Variants in HIVEP1 observed in about 807,000 individuals in gnomAD.
HIVEP1 encodes the protein HIVEP zinc finger 1, also known as zinc finger protein 40.
Under a neutral mutation model 180.0 loss-of-function variants are expected in HIVEP1, and 36 were observed. The observed-to-expected ratio is 0.20, with a 90% CI of 0.15 to 0.26. HIVEP1 has a LOEUF of 0.26. HIVEP1 is among the 10% of genes least tolerant of loss of function. HIVEP1 has a pLI of 1.00. For missense variants in HIVEP1, 3,143 were observed against 3,268.7 expected, an observed-to-expected ratio of 0.96 and a Z score of 0.94; for synonymous variants, 1,239 against 1,239.0, an observed-to-expected ratio of 1.00 and a Z score of 0.00.
intron 2 of HIVEP1, among the ~76,000 whole-genome samples, chr6:12,043,841 T>A (rs904547726): frequency 6.6e-6 from 1 of 152,172 alleles, no homozygotes; most frequent in Admixed American, 6.5e-5. Flanking sequence ...CTGTCTGGGT[T>A]TTGTGGGATT....
intron 2 of HIVEP1, among the ~76,000 whole-genome samples, chr6:12,057,232 A>G (rs963356235): frequency 9.9e-5 from 15 of 152,196 alleles, no homozygotes; most frequent in Non-Finnish European, 1.8e-4. Flanking sequence ...TATAGATGCT[A>G]TTGTGACTGA....
At position 12,123,818 on chromosome 6, in the gene HIVEP1, A is replaced by C; in HGVS notation, c.4023A>C (p.Lys1341Asn). ...CCCCCAAAATCGATTTTCTAAATAA[A>C]GCCGAGTTTCTTATGATTCCAGCTG... Reference protein sequence around the residue: ...EASPKIDFLNKAEFLMIPAGL... With the variant: ...EASPKIDFLNNAEFLMIPAGL... The change falls in exon 4 of 9, where the codon AAA becomes AAC. Residue 1341 changes from lysine (K) to asparagine (N), a missense_variant. Around this residue, in one of 12 missense-constraint regions of HIVEP1, gnomAD observed 1,357 missense variants for 1,260.5 expected, o/e 1.08. Transcript: ENST00000379388. 1 of 1,614,120 alleles carries C rather than the reference A, an allele frequency of 6.2e-7. No homozygotes were observed. The highest frequency in any genetic ancestry group is 8.5e-7 in the Non-Finnish European group (1 of 1,179,992).
intron 2 of HIVEP1, among the ~76,000 whole-genome samples, chr6:12,087,397 A>T (rs539025533): frequency 1.3e-5 from 2 of 152,232 alleles, no homozygotes; most frequent in East Asian, 3.9e-4. Context: ...ATGCAAAATT[A>T]TGTGCACATA....
intron 2 of HIVEP1, among the ~76,000 whole-genome samples, chr6:12,035,784 T>C (rs142435852): frequency 0.011 from 1,681 of 152,124 alleles, 20 homozygotes; most frequent in Middle Eastern, 0.048. Flanking sequence ...ATATAGAAAG[T>C]AGGAAATATA....
chr6:12,105,232 T>C (rs1326799631), intron 3 of HIVEP1, among the ~76,000 whole-genome samples: 3 of 152,198 alleles, frequency 2.0e-5, no homozygotes, highest in Non-Finnish European at 4.4e-5. Context: ...TTTTCCCTTA[T>C]TCCTAGAATG....
Position 12,123,134 on chromosome 6 carries a change from A to G in HIVEP1, c.3339A>G (p.Glu1113=). 1 of 1,614,202 alleles carries G rather than the reference A, an allele frequency of 6.2e-7. No homozygotes were observed. Among genetic ancestry groups the G allele is most frequent in the Non-Finnish European group, 8.5e-7 (1 of 1,180,028 alleles). ...ATCCCAAGCTGTCGACCATCATGGA[A>G]CAACAGATAAGTTCAGCAGCCCAGG... ...TMDPKLSTIM[E]QQISSAAQDK... The change falls in exon 4 of 9, where the codon GAA becomes GAG. Residue 1113 remains glutamate (E), a synonymous_variant. Coordinates refer to ENST00000379388, the MANE Select transcript of HIVEP1 (RefSeq NM_002114.4).
rs754743501 is a variant in HIVEP1, at chr6:12,125,190, G to A, written c.5395G>A (p.Val1799Met). Residue 1799 changes from valine to methionine, a missense_variant, in exon 4 of 9, where the codon GTG (valine) becomes ATG (methionine). Physicochemically the swap from Val to Met is conservative, Grantham distance 21. This residue lies in a region of HIVEP1 where 1,357 missense variants were observed against 1,260.5 expected (regional missense o/e 1.08). Transcript: ENST00000379388. ...TAGTAAACAGAAGAAGCCTATTTTA[G>A]TGAGACAGGTTTGTACTACAGAGCC... The part of the protein sequence containing the change: ...EASKQKKPIL[V>M]RQVCTTEPLD... 15 of 1,614,036 alleles carry A rather than the reference G, an allele frequency of 9.3e-6. No individual in the cohort carries two copies. The East Asian group carries it at 3.1e-4, about 34-fold the overall frequency.
At chr6:12,197,184 C>G in the HIVEP1 span, among the ~76,000 whole-genome samples, 1 of 152,052 alleles carries the variant, frequency 6.6e-6, no homozygotes, top group African/African-American at 2.4e-5. Flanking sequence ...GTTGGGAGTT[C>G]CAGGCAGAGT....
rs1439224746 is a variant in HIVEP1 at position 12,051,591 on chromosome 6, TTAAA to T, written c.40+35926_40+35929del. On this transcript the variant is annotated intron_variant, in intron 2 of 8. Coordinates refer to ENST00000379388, the MANE Select transcript of HIVEP1 (RefSeq NM_002114.4). ...AGTGCATTTTATTATTTCACCCTAA[TTAAA>T]TATAATATATAGATAAAATATAAAT... Among the ~76,000 whole-genome samples, 17 of 152,018 alleles carry T rather than the reference TTAAA, an allele frequency of 1.1e-4. No homozygotes were observed. The East Asian group carries it at 3.3e-3, about 29-fold the overall frequency.
At chr6:12,053,496 A>C (rs1356865910) in intron 2 of HIVEP1, among the ~76,000 whole-genome samples, 1 of 151,870 alleles carries the variant, frequency 6.6e-6, no homozygotes, top group Non-Finnish European at 1.5e-5. Flanking sequence ...AGGATATGAC[A>C]AAAAAAACAT....
the HIVEP1 span, among the ~76,000 whole-genome samples, chr6:12,180,440 C>G: frequency 6.6e-6 from 1 of 152,044 alleles, no homozygotes; most frequent in Non-Finnish European, 1.5e-5. Context: ...TATAAGCATT[C>G]AATATTTTCA....
downstream of HIVEP1, among the ~76,000 whole-genome samples, chr6:12,167,103 TTTTG>T (rs1562023160): frequency 6.6e-6 from 1 of 152,172 alleles, no homozygotes; most frequent in African/African-American, 2.4e-5. Flanking sequence ...AATGTACAAA[TTTTG>T]TTTCTCAGTT....
chr6:12,172,103 C>CT, the HIVEP1 span, among the ~76,000 whole-genome samples: 1 of 152,162 alleles, frequency 6.6e-6, no homozygotes, highest in East Asian at 1.9e-4. Context: ...GGACATTTCT[C>CT]TAAGTCAGGA....
rs1775463691 is a variant in HIVEP1, at chr6:12,119,972, GA to G, written c.184del (p.Ile62TyrfsTer6). ...RKKIVAENHL[K>X]KIPKSPLRNP... is the part of the protein sequence containing the mutation. The stretch of plus-strand genomic sequence containing the variant: ...AAAAGATCGTAGCTGAGAATCACCT[GA>G]AAAAAATACCAAAATCCCCACTGAG... On this transcript the variant is annotated frameshift_variant, in exon 4 of 9. Transcript: ENST00000379388. LOFTEE classifies it high-confidence loss of function. 1.2e-6 allele frequency: 2 copies of G among 1,611,188 alleles called. No individual in the cohort carries two copies. The highest frequency in any genetic ancestry group is 1.7e-5 in the Admixed American group (1 of 59,224).
At chr6:12,020,890 CTTTTTTTTT>C (rs70981658) in intron 2 of HIVEP1, among the ~76,000 whole-genome samples, 1 of 105,766 alleles carries the variant, frequency 9.5e-6, no homozygotes, top group Middle Eastern at 6.4e-3. Context: ...TTCTTTCTTT[CTTTTTTTTT>C]TTTTTTTTTG....
intron 2 of HIVEP1, among the ~76,000 whole-genome samples, chr6:12,069,823 C>G (rs967877308): frequency 1.3e-5 from 2 of 151,846 alleles, no homozygotes; most frequent in African/African-American, 4.8e-5. Context: ...CTTTTTGACT[C>G]TTCTATGATA....
downstream of HIVEP1, among the ~76,000 whole-genome samples, chr6:12,168,360 T>TTATA (rs1562025069): frequency 9.7e-6 from 1 of 103,556 alleles, no homozygotes; most frequent in African/African-American, 3.6e-5. Flanking sequence ...TATGTATATA[T>TTATA]TATATACATA....
chr6:12,054,427 T>C (rs566294637), intron 2 of HIVEP1, among the ~76,000 whole-genome samples: 14 of 152,334 alleles, frequency 9.2e-5, no homozygotes, highest in African/African-American at 2.9e-4. Flanking sequence ...CATATGGATA[T>C]ATATGCATAT....
At chr6:12,101,136 C>G (rs1384494779) in intron 3 of HIVEP1, among the ~76,000 whole-genome samples, 1 of 152,154 alleles carries the variant, frequency 6.6e-6, no homozygotes, top group Non-Finnish European at 1.5e-5. Flanking sequence ...TGTCACTTTT[C>G]TATTACCTTT....
Sources: gnomAD v4.1 joint callset for allele counts (sites outside exome capture counted in the v4.1 genomes callset) on GRCh38, gnomAD v4.1.1 for gene constraint, gnomAD v4.1.1 regional missense constraint, MANE v1.5 for transcripts, NCBI Gene and HGNC (gene_info 2026-07-23, HGNC 2026-07-21) for gene names.